PCGF3: variants seen among roughly 807,000 people sequenced by gnomAD.
The protein encoded by PCGF3 is polycomb group RING finger protein 3.
A neutral mutation model predicts 33.1 loss-of-function variants in PCGF3; 7 were observed. The observed-to-expected ratio is 0.21, with a 90% confidence interval of 0.12 to 0.40. The LOEUF (loss-of-function observed/expected upper bound fraction) is 0.40, where lower values mean the gene tolerates loss of function less well. PCGF3 is among the 10% of genes least tolerant of loss of function. The pLI is 1.00. For synonymous variants in PCGF3, 153 were observed against 121.3 expected (o/e 1.26, Z -1.72); for missense variants, 211 against 313.3 (o/e 0.67, Z 2.46).
At chr4:734,031 C>T in intron 4 of PCGF3, 1 of 1,550,740 alleles carries the variant, frequency 6.4e-7, no homozygotes, top group Non-Finnish European at 8.7e-7. Flanking sequence ...GGAGAGACCC[C>T]ACATTCCTCC....
At chr4:754,954 T>C (rs1577436907) in intron 8 of PCGF3, among the ~76,000 whole-genome samples, 1 of 152,354 alleles carries the variant, frequency 6.6e-6, no homozygotes, top group Non-Finnish European at 1.5e-5. Flanking sequence ...ATGGCAGATC[T>C]TGGGCTCTTT....
chr4:756,094 T>A, intron 8 of PCGF3, among the ~76,000 whole-genome samples: 1 of 151,866 alleles, frequency 6.6e-6, no homozygotes, highest in Non-Finnish European at 1.5e-5. Flanking sequence ...TTTGTATTTT[T>A]AGTAGAGACG....
chr4:741,315 G>T (rs745522153), intron 6 of PCGF3, among the ~76,000 whole-genome samples: 2 of 152,230 alleles, frequency 1.3e-5, no homozygotes, highest in Non-Finnish European at 2.9e-5. Context: ...TGGCTGATTC[G>T]TTAGCGTTAT....
intron 10 of PCGF3, 112 bp from the exon 11 acceptor site, chr4:765,920 C>T (rs1206034430): frequency 7.7e-6 from 7 of 903,346 alleles, no homozygotes; most frequent in Admixed American, 7.0e-5. Context: ...TGCAGCCCTG[C>T]ATGTGGACTG....
intron 8 of PCGF3, among the ~76,000 whole-genome samples, chr4:760,623 G>A (rs913785024): frequency 6.6e-6 from 1 of 152,152 alleles, no homozygotes; most frequent in Non-Finnish European, 1.5e-5. Context: ...CGTTTGTTGC[G>A]GCTCCACCTG....
intron 5 of PCGF3, among the ~76,000 whole-genome samples, chr4:735,531 C>G (rs1466881200): frequency 7.5e-6 from 1 of 132,792 alleles, no homozygotes; most frequent in Non-Finnish European, 1.7e-5. Context: ...GGCGACAGAG[C>G]GAGACTCTGT....
intron 9 of PCGF3, chr4:761,748 C>T: frequency 1.0e-6 from 1 of 985,354 alleles, no homozygotes; most frequent in African/African-American, 1.7e-5. Context: ...TGGGCGGATG[C>T]AGAGAGGGAG....
chr4:761,589 GGTT>G, intron 9 of PCGF3, 173 bp downstream of exon 9: 1 of 927,182 alleles, frequency 1.1e-6, no homozygotes, highest in Non-Finnish European at 1.3e-6. Context: ...CAGCCCTAAG[GGTT>G]GTAGGATGCC....
intron 1 of PCGF3, among the ~76,000 whole-genome samples, chr4:727,406 A>C (rs1287539455): frequency 6.6e-6 from 1 of 151,760 alleles, no homozygotes; most frequent in Non-Finnish European, 1.5e-5. Flanking sequence ...ACACCTGGCT[A>C]ATTTTTTGTA....
chr4:766,199 A>T (rs1264870597), exon 11 of PCGF3: 2 of 750,564 alleles, frequency 2.7e-6, no homozygotes, highest in Admixed American at 2.5e-5. Context: ...GAGAATATTT[A>T]TAACTTTTGT....
intron 8 of PCGF3, among the ~76,000 whole-genome samples, chr4:755,589 G>A (rs1744733406): frequency 2.0e-5 from 3 of 152,124 alleles, no homozygotes; most frequent in Admixed American, 6.5e-5. Flanking sequence ...TCTTAAAAAT[G>A]TTTCCCCATT....
chr4:713,772 G>C (rs957876386), intron 1 of PCGF3, among the ~76,000 whole-genome samples: 2 of 152,140 alleles, frequency 1.3e-5, no homozygotes, highest in African/African-American at 4.8e-5. Flanking sequence ...TCCTGATGCC[G>C]CCCAGGAATC....
intron 1 of PCGF3, among the ~76,000 whole-genome samples, chr4:716,594 ACT>A (rs1491572697): frequency 3.5e-5 from 4 of 113,700 alleles, no homozygotes; most frequent in Non-Finnish European, 7.1e-5. Flanking sequence ...CCCTGTAGAC[ACT>A]GAGTGTGAGA....
chr4:735,374 C>T (rs1743781927), intron 5 of PCGF3, among the ~76,000 whole-genome samples: 1 of 152,164 alleles, frequency 6.6e-6, no homozygotes, highest in South Asian at 2.1e-4. Context: ...TGGAGAAACC[C>T]CATCTCTACT....
At chr4:750,190 C>A (rs1461586774) in intron 8 of PCGF3, among the ~76,000 whole-genome samples, 2 of 152,240 alleles carry the variant, frequency 1.3e-5, no homozygotes, top group Non-Finnish European at 2.9e-5. Flanking sequence ...TTTTCACTGG[C>A]ATTCATTTCT....
intron 6 of PCGF3, among the ~76,000 whole-genome samples, chr4:738,729 G>C (rs778469699): frequency 3.9e-5 from 6 of 152,024 alleles, no homozygotes; most frequent in Non-Finnish European, 7.4e-5. Context: ...CGTGGTGTCA[G>C]GTGCCTGTAA....
intron 10 of PCGF3, 68 bp from the exon 11 acceptor site, chr4:765,964 C>T: frequency 7.0e-7 from 1 of 1,423,982 alleles, no homozygotes; most frequent in East Asian, 2.3e-5. Flanking sequence ...AGCACCCTTC[C>T]CGATGAAGTA....
At chr4:731,638 G>A (rs1283606463) in intron 3 of PCGF3, among the ~76,000 whole-genome samples, 1 of 83,690 alleles carries the variant, frequency 1.2e-5, no homozygotes, top group African/African-American at 3.9e-5. Flanking sequence ...CCTCAGGGGC[G>A]TAGGGCGGGG....
intron 1 of PCGF3, among the ~76,000 whole-genome samples, chr4:717,734 A>G (rs1401961659): frequency 6.6e-6 from 1 of 152,182 alleles, no homozygotes; most frequent in African/African-American, 2.4e-5. Context: ...TGACATTGAG[A>G]AGAGGCTTGA....
Sources: allele counts gnomAD v4.1 joint callset (sites outside exome capture counted in the v4.1 genomes callset), GRCh38; gene constraint gnomAD v4.1.1; transcripts MANE v1.5; gene names NCBI Gene and HGNC (gene_info 2026-07-23, HGNC 2026-07-21).